Variants in DNMT3L observed in about 807,000 individuals in gnomAD.
The protein encoded by DNMT3L is DNA methyltransferase 3 like.
In DNMT3L, 33 loss-of-function variants were observed where a neutral mutation model predicts 36.2. That is an observed-to-expected ratio of 0.91 (90% CI 0.69 to 1.22). DNMT3L has a LOEUF of 1.22. Ranked by LOEUF, DNMT3L falls within the 50% of genes most tolerant of loss-of-function variation. DNMT3L has a pLI of 0.00. For synonymous variants in DNMT3L, 117 were observed against 121.7 expected (o/e 0.96, Z 0.26); for missense variants, 310 against 303.1 (o/e 1.02, Z -0.17).
intron 6 of DNMT3L, among the ~76,000 whole-genome samples, chr21:44,256,831 C>T (rs2040262863): frequency 6.6e-6 from 1 of 152,214 alleles, no homozygotes; most frequent in African/African-American, 2.4e-5. Flanking sequence ...AGGCCCAAAA[C>T]TCGGGGGCCT....
intron 3 of DNMT3L, among the ~76,000 whole-genome samples, chr21:44,260,048 CAAAAAAAA>C (rs765722839): frequency 5.4e-4 from 34 of 63,492 alleles, no homozygotes; most frequent in Admixed American, 1.7e-3. Context: ...GAGTGTGTCT[CAAAAAAAA>C]AAAAAAAAAA....
At chr21:44,256,361 A>G (rs1002750588) in intron 6 of DNMT3L, among the ~76,000 whole-genome samples, 1 of 150,312 alleles carries the variant, frequency 6.7e-6, no homozygotes, top group East Asian at 2.0e-4. Context: ...CTCCAGCCTC[A>G]GTCTCCCGCT....
At chr21:44,257,498 T>C (rs1029302563) in intron 6 of DNMT3L, among the ~76,000 whole-genome samples, 2 of 149,378 alleles carry the variant, frequency 1.3e-5, no homozygotes, top group Admixed American at 6.6e-5. Context: ...CGGCTAAAAC[T>C]GTGAAACCCC....
rs893824411 is a variant in DNMT3L, at chr21:44,259,423, G to T, written c.344+14C>A. The T allele has an allele frequency of 5.6e-6, 9 of 1,612,872 alleles. No individual in the cohort carries two copies. The African/African-American group carries it at 6.7e-5, about 12-fold the overall frequency. ...TCAGCCCCTTCACCCCCCTGGGCAG[G>T]CCCCTCGCCTCACCGGGTGCAATCA... On this transcript the variant is annotated intron_variant, in intron 5 of 11. Coordinates refer to ENST00000628202, the MANE Select transcript of DNMT3L (RefSeq NM_175867.3).
intron 3 of DNMT3L, among the ~76,000 whole-genome samples, chr21:44,260,048 CAAAAAAAAA>C (rs765722839): frequency 1.6e-5 from 1 of 63,488 alleles, no homozygotes. Context: ...GAGTGTGTCT[CAAAAAAAAA>C]AAAAAAAAAA....
intron 5 of DNMT3L, among the ~76,000 whole-genome samples, chr21:44,259,119 G>T (rs938582685): frequency 7.9e-5 from 12 of 152,072 alleles, no homozygotes; most frequent in Non-Finnish European, 1.6e-4. Context: ...AGGCGAGGGA[G>T]TAACGACTGA....
intron 7 of DNMT3L, 136 bp downstream of exon 7, chr21:44,255,931 G>T: frequency 1.2e-6 from 1 of 848,264 alleles, no homozygotes; most frequent in Non-Finnish European, 1.9e-6. Flanking sequence ...ATGGGCCCAG[G>T]GTGGGGAAGG....
chr21:44,260,988 T>TTAAACACCTTATCTATGGG (rs1255398873), intron 2 of DNMT3L, 149 bp from the exon 3 acceptor site: 43 of 1,415,290 alleles, frequency 3.0e-5, no homozygotes, highest in Non-Finnish European at 4.2e-5. Flanking sequence ...TATCTTGGTG[T>TTAAACACCTTATCTATGGG]GTTAAACGCC....
At chr21:44,257,718 A>C (rs2040275542) in intron 6 of DNMT3L, among the ~76,000 whole-genome samples, 1 of 151,722 alleles carries the variant, frequency 6.6e-6, no homozygotes, top group African/African-American at 2.4e-5. Flanking sequence ...ATAAATAAAT[A>C]AATAAAAAAC....
Position 44,258,436 on chromosome 21 carries a change from G to A in DNMT3L, c.516+87C>T, listed in dbSNP as rs146747213. On this transcript the variant is annotated intron_variant, in intron 6 of 11. Transcript: ENST00000628202. This position sits in a 1 kb window ranked among gnomAD's most constrained non-coding sequence, Gnocchi z 6.2. ...GGCTGCAGCCGTGGTGCCCGTCGGC[G>A]CGCCTGCATTCTGCAGCGGGAACCG... The A allele has an allele frequency of 7.5e-5, 108 of 1,445,210 alleles. No homozygotes were observed. The African/African-American group carries it at 8.9e-4, about 12-fold the overall frequency. 89.5% of individuals were successfully genotyped at this position (1,445,210 alleles called of 1,614,324 possible).
chr21:44,257,704 AT>A (rs1568916383), intron 6 of DNMT3L, among the ~76,000 whole-genome samples: 4,776 of 93,404 alleles, frequency 0.051, 176 homozygotes, highest in African/African-American at 0.12. Context: ...AAATAAATAA[AT>A]AAATAAATAA....
In DNMT3L at chr21:44,260,827, T is replaced by C. The variant is rs2040311146; in HGVS notation, c.119A>G (p.Tyr40Cys). ...SPGTGRDLIA[Y>C]EVKANQRNIE... Reference sequence around the variant, plus strand: ...ATTTCGCTGGTTAGCCTTGACTTCATATGCAATAAGATCTGGAAAGGAAGA... The same window carrying C: ...ATTTCGCTGGTTAGCCTTGACTTCACATGCAATAAGATCTGGAAAGGAAGA... The change falls in exon 3 of 12, where the codon TAT becomes TGT. Residue 40 changes from tyrosine to cysteine, a missense_variant. By Grantham distance (194) the Tyr-to-Cys change is radical (BLOSUM62 -2). Coordinates refer to ENST00000628202, the MANE Select transcript of DNMT3L (RefSeq NM_175867.3). 1 of 1,613,194 alleles carries C rather than the reference T, an allele frequency of 6.2e-7. No homozygotes were observed. Among genetic ancestry groups the C allele is most frequent in the Non-Finnish European group, 8.5e-7 (1 of 1,179,902 alleles).
At chr21:44,259,761 C>G in intron 3 of DNMT3L, 50 bp from the exon 4 acceptor site, 1 of 1,553,422 alleles carries the variant, frequency 6.4e-7, no homozygotes, top group Non-Finnish European at 8.8e-7. Flanking sequence ...CTGTCAAATA[C>G]AGCAGACGAT....
intron 7 of DNMT3L, 152 bp from the exon 8 acceptor site, chr21:44,254,857 C>G: frequency 1.3e-6 from 1 of 759,518 alleles, no homozygotes; most frequent in Non-Finnish European, 2.1e-6. Flanking sequence ...ATGGAGTCTC[C>G]CTCTGTCGCC....
chr21:44,258,483 C>T lies in DNMT3L; in HGVS notation c.516+40G>A. 1 of 1,512,994 alleles carries T rather than the reference C, an allele frequency of 6.6e-7. No individual in the cohort carries two copies. The highest frequency in any genetic ancestry group is 8.9e-7 in the Non-Finnish European group (1 of 1,125,196). The allele number at this position is 1,512,994 out of a possible 1,614,324, so 93.7% of individuals were successfully genotyped here. On this transcript the variant is annotated intron_variant, in intron 6 of 11. Coordinates refer to ENST00000628202, the MANE Select transcript of DNMT3L (RefSeq NM_175867.3). This position sits in a 1 kb window ranked among gnomAD's most constrained non-coding sequence, Gnocchi z 6.2. ...ACCGAGGGAAGGCCGTAAGTCAGGGCCTGCTGCTGCCGGGTGCTGCCCCTC... is the reference window on the plus strand; with the variant it reads ...ACCGAGGGAAGGCCGTAAGTCAGGGTCTGCTGCTGCCGGGTGCTGCCCCTC...
At chr21:44,259,739 G>T in intron 3 of DNMT3L, 28 bp from the exon 4 acceptor site, 1 of 1,591,776 alleles carries the variant, frequency 6.3e-7, no homozygotes, top group South Asian at 1.1e-5. Context: ...AGCACACTGT[G>T]TTTTCCCAGT....
intron 2 of DNMT3L, 35 bp downstream of exon 2, chr21:44,261,119 T>G (rs2040313643): frequency 1.9e-6 from 3 of 1,608,010 alleles, no homozygotes; most frequent in Non-Finnish European, 2.6e-6. Context: ...ATCAGCATCC[T>G]AAGTGACTGG....
rs2040314375 is a variant in DNMT3L at position 44,261,164 on chromosome 21, C to T, written c.96G>A (p.Gly32=). ...SSELSSSVSP[G]TGRDLIAYEV... ...CAGATGAGCCCTCACCTCTGCCTGT[C>T]CCGGGTGAAACGGAGCTTGAGAGCT... The change falls in exon 2 of 12, where the codon GGG becomes GGA. Residue 32 remains glycine (G), a synonymous_variant. Transcript: ENST00000628202. 5 of 1,612,586 alleles carry T rather than the reference C, an allele frequency of 3.1e-6. No individual in the cohort carries two copies. Among genetic ancestry groups the T allele is most frequent in the Non-Finnish European group, 4.2e-6 (5 of 1,179,906 alleles).
At chr21:44,253,975 G>T (rs1035660355) in intron 8 of DNMT3L, among the ~76,000 whole-genome samples, 4 of 152,246 alleles carry the variant, frequency 2.6e-5, no homozygotes, top group African/African-American at 9.6e-5. Context: ...GAAAAGGCAT[G>T]GTGGGGTGGG....
Sources: allele counts gnomAD v4.1 joint callset (sites outside exome capture counted in the v4.1 genomes callset), GRCh38; gene constraint gnomAD v4.1.1; non-coding constraint Gnocchi (gnomAD v3.1); transcripts MANE v1.5; gene names NCBI Gene and HGNC (gene_info 2026-07-23, HGNC 2026-07-21).